The following ZNF385B variants were observed in gnomAD, a reference collection of about 807,000 sequenced individuals.
The protein encoded by ZNF385B is zinc finger protein 533.
A neutral mutation model predicts 39.2 loss-of-function variants in ZNF385B; 23 were observed. That is an observed-to-expected ratio of 0.59 (90% CI 0.42 to 0.83). ZNF385B has a LOEUF of 0.83. Ranked by LOEUF, ZNF385B falls within the 40% of genes least tolerant of loss-of-function variation. The pLI is 0.00. For missense variants in ZNF385B, 552 were observed against 598.9 expected (o/e 0.92, Z 0.82); for synonymous variants, 205 against 222.6 (o/e 0.92, Z 0.70).
At chr2:179,653,853 C>T (rs1461002460) in intron 3 of ZNF385B, among the ~76,000 whole-genome samples, 1 of 152,116 alleles carries the variant, frequency 6.6e-6, no homozygotes, top group Admixed American at 6.6e-5. Flanking sequence ...GCCTTCCCCA[C>T]ACTAGCCAAG....
rs560567166 is a variant in ZNF385B, at chr2:179,813,698, A to G, written c.-154-43026T>C. Among the ~76,000 whole-genome samples, 5 of 152,324 alleles carry G rather than the reference A, an allele frequency of 3.3e-5. No individual in the cohort carries two copies. The East Asian group carries it at 9.7e-4, about 29-fold the overall frequency. Reference sequence around the variant, plus strand: ...TTGTCCAATTAGCAAGGACTGTCTCATAAAGCAACTTTTAAAATCTCTTTA... The same window carrying G: ...TTGTCCAATTAGCAAGGACTGTCTCGTAAAGCAACTTTTAAAATCTCTTTA... On this transcript the variant is annotated intron_variant, in intron 1 of 9. Coordinates refer to ENST00000410066, the MANE Select transcript of ZNF385B (RefSeq NM_152520.6).
At chr2:179,856,147 G>A (rs543584078) in intron 1 of ZNF385B, among the ~76,000 whole-genome samples, 1 of 152,314 alleles carries the variant, frequency 6.6e-6, no homozygotes, top group African/African-American at 2.4e-5. Context: ...GAATCCAGGA[G>A]TGAGAACAAC....
intron 4 of ZNF385B, among the ~76,000 whole-genome samples, chr2:179,531,347 C>A (rs958065983): frequency 1.3e-5 from 2 of 152,110 alleles, no homozygotes; most frequent in African/African-American, 4.8e-5. Context: ...TAAAACTCCT[C>A]TTTAGTCTGG....
chr2:179,581,323 T>C (rs1233706076), intron 3 of ZNF385B, among the ~76,000 whole-genome samples: 1 of 152,220 alleles, frequency 6.6e-6, no homozygotes, highest in African/African-American at 2.4e-5. Context: ...AACTAGTTGT[T>C]ACATATAAAA....
chr2:179,771,993 T>G (rs1704039745), intron 1 of ZNF385B, among the ~76,000 whole-genome samples: 2 of 152,172 alleles, frequency 1.3e-5, no homozygotes, highest in Non-Finnish European at 2.9e-5. Context: ...GACACTTTCA[T>G]CTGAAAATTT....
intron 6 of ZNF385B, among the ~76,000 whole-genome samples, chr2:179,472,979 T>C (rs1005419491): frequency 1.3e-5 from 2 of 152,236 alleles, no homozygotes; most frequent in Non-Finnish European, 2.9e-5. Context: ...CTTCTTCCTC[T>C]GTCCATATTC....
chr2:179,687,965 T>C (rs1698052361), intron 3 of ZNF385B, among the ~76,000 whole-genome samples: 1 of 152,232 alleles, frequency 6.6e-6, no homozygotes, highest in Admixed American at 6.5e-5. Context: ...CTTCTTCATT[T>C]ATAAGCTGGA....
At chr2:179,734,399 T>A (rs2367801) in intron 3 of ZNF385B, among the ~76,000 whole-genome samples, 1 of 152,288 alleles carries the variant, frequency 6.6e-6, no homozygotes, top group African/African-American at 2.4e-5. Context: ...ATACTCCACA[T>A]AACAATGTAT....
intron 3 of ZNF385B, among the ~76,000 whole-genome samples, chr2:179,698,810 C>T (rs964084067): frequency 2.0e-5 from 3 of 152,106 alleles, no homozygotes; most frequent in Admixed American, 6.5e-5. Context: ...AAAAAGTCAT[C>T]TCTAAACTTT....
At chr2:179,708,625 T>C (rs115879330) in intron 3 of ZNF385B, among the ~76,000 whole-genome samples, 2,294 of 152,272 alleles carry the variant, frequency 0.015, 55 homozygotes, top group African/African-American at 0.051. Flanking sequence ...CTCTTGGAAA[T>C]TGATAACTTA....
chr2:179,446,433 C>A, intron 7 of ZNF385B, 92 bp downstream of exon 7: 1 of 1,491,260 alleles, frequency 6.7e-7, no homozygotes, highest in South Asian at 1.4e-5. Context: ...TGGAACAAAC[C>A]TAAGGTCTGA....
intron 3 of ZNF385B, among the ~76,000 whole-genome samples, chr2:179,588,076 G>C (rs969768620): frequency 6.6e-6 from 1 of 151,990 alleles, no homozygotes. Flanking sequence ...GCATTTGGCA[G>C]GCCCTTCTCT....
chr2:179,625,713 T>C (rs1282223527), intron 3 of ZNF385B, among the ~76,000 whole-genome samples: 1 of 152,098 alleles, frequency 6.6e-6, no homozygotes, highest in Non-Finnish European at 1.5e-5. Context: ...ATAGGGCTGG[T>C]ACAAGGAAAA....
At chr2:179,737,474 T>C (rs1249345548) in intron 3 of ZNF385B, among the ~76,000 whole-genome samples, 1 of 152,144 alleles carries the variant, frequency 6.6e-6, no homozygotes, top group East Asian at 1.9e-4. Context: ...ATCTAACTTG[T>C]GTCTCCTGTA....
At chr2:179,466,215 A>G (rs925607113) in intron 6 of ZNF385B, among the ~76,000 whole-genome samples, 2 of 152,188 alleles carry the variant, frequency 1.3e-5, no homozygotes, top group Admixed American at 1.3e-4. Context: ...CAGGGTCATA[A>G]CAACAAACAC....
At position 179,642,194 on chromosome 2, in the gene ZNF385B, C is replaced by T. The variant is rs537724356; in HGVS notation, c.299-97225G>A. The stretch of plus-strand genomic sequence containing the variant: ...ACAAAATCACAATATTAGAATCTCA[C>T]GGAATCATTTGGTCTTGTCTTCTAC... On this transcript the variant is annotated intron_variant, in intron 3 of 9. Coordinates refer to ENST00000410066, the MANE Select transcript of ZNF385B (RefSeq NM_152520.6). 1.1e-4 allele frequency among the ~76,000 whole-genome samples: 16 copies of T among 152,274 alleles called. 1 individual carries two copies. In the South Asian group the frequency reaches 2.7e-3, roughly 26 times the overall value.
At chr2:179,685,752 G>A (rs1697876989) in intron 3 of ZNF385B, among the ~76,000 whole-genome samples, 1 of 152,158 alleles carries the variant, frequency 6.6e-6, no homozygotes, top group Non-Finnish European at 1.5e-5. Flanking sequence ...CTTAGCCTGT[G>A]TACCTACAAC....
chr2:179,707,963 G>A (rs551472933), intron 3 of ZNF385B, among the ~76,000 whole-genome samples: 67 of 152,294 alleles, frequency 4.4e-4, no homozygotes, highest in Middle Eastern at 3.4e-3. Context: ...GCACCAACCC[G>A]TTAGACTAGG....
At chr2:179,780,645 T>C (rs1314929051) in intron 1 of ZNF385B, among the ~76,000 whole-genome samples, 1 of 152,220 alleles carries the variant, frequency 6.6e-6, no homozygotes, top group Non-Finnish European at 1.5e-5. Context: ...TCCCTACTAA[T>C]TCCTTTCTCT....
Sources: gnomAD v4.1 joint callset for allele counts (sites outside exome capture counted in the v4.1 genomes callset) on GRCh38, gnomAD v4.1.1 for gene constraint, MANE v1.5 for transcripts, NCBI Gene and HGNC (gene_info 2026-07-23, HGNC 2026-07-21) for gene names.